SAMD11: variants seen among roughly 807,000 people sequenced by gnomAD.
SAMD11 encodes the protein sterile alpha motif domain containing 11.
In SAMD11, 77 loss-of-function variants were observed where a neutral mutation model predicts 64.4. The ratio of observed to expected loss-of-function variants is 1.20; its 90% CI spans 0.99 to 1.44. The LOEUF is 1.44. SAMD11 is among the 40% of genes most tolerant of loss of function. SAMD11 has a pLI of 0.00. For missense variants in SAMD11, 1,402 were observed against 943.3 expected, an observed-to-expected ratio of 1.49 and a Z score of -6.37; for synonymous variants, 658 against 421.9, an observed-to-expected ratio of 1.56 and a Z score of -6.86.
intron 5 of SAMD11, among the ~76,000 whole-genome samples, chr1:936,744 G>C (rs1641474280): frequency 6.6e-6 from 1 of 152,178 alleles, no homozygotes. Context: ...CCGCGTCCTC[G>C]TGCACCTAGG....
At chr1:926,878 G>A (rs754714734) in intron 2 of SAMD11, among the ~76,000 whole-genome samples, 2 of 152,178 alleles carry the variant, frequency 1.3e-5, no homozygotes, top group African/African-American at 2.4e-5. Context: ...TCCAGGAAAG[G>A]GTAGGAGAGG....
intron 7 of SAMD11, 99 bp downstream of exon 7, chr1:939,511 G>A (rs1469783470): frequency 6.4e-7 from 1 of 1,553,910 alleles, no homozygotes; most frequent in East Asian, 2.3e-5. Flanking sequence ...CCAGCCACAT[G>A]TACTCGGCCA....
chr1:936,736 G>A (rs1181121172), intron 5 of SAMD11, among the ~76,000 whole-genome samples: 3 of 152,294 alleles, frequency 2.0e-5, no homozygotes, highest in South Asian at 2.1e-4. Flanking sequence ...GCCCCCATCC[G>A]CGTCCTCGTG....
In SAMD11 at chr1:943,799, C is replaced by G. The variant is rs1044227669; in HGVS notation, c.2280C>G (p.Ile760Met). 3.7e-6 allele frequency: 6 copies of G among 1,612,722 alleles called. No individual in the cohort carries two copies. The African/African-American group carries it at 5.3e-5, about 14-fold the overall frequency. ...MGLKLGPALK[I>M]RAQVARRLGR... is the part of the protein sequence containing the mutation. ...TGAAGCTGGGGCCCGCCCTCAAGAT[C>G]CGGGCCCAGGTGAGACGCTGGGGAG... Residue 760 changes from isoleucine to methionine, a missense_variant, in exon 13 of 14, where the codon ATC (isoleucine) becomes ATG (methionine). By Grantham distance (10) the Ile-to-Met change is conservative. Transcript: ENST00000616016.
intron 1 of SAMD11, 79 bp from the exon 2 acceptor site, chr1:925,843 A>G (rs768038970): frequency 1.0e-5 from 10 of 989,552 alleles, no homozygotes; most frequent in African/African-American, 1.6e-5. Context: ...CGAGCCGGGG[A>G]GGGGGTACTG....
In SAMD11 at chr1:942,863, G is replaced by A; in HGVS notation, c.1858G>A (p.Ala620Thr). 1.3e-6 allele frequency: 2 copies of A among 1,553,448 alleles called. No individual in the cohort carries two copies. The highest frequency in any genetic ancestry group is 1.7e-6 in the Non-Finnish European group (2 of 1,148,564). The change falls in exon 11 of 14, where the codon GCA (alanine) becomes ACA (threonine). Residue 620 changes from alanine (A) to threonine (T), a missense_variant. Transcript: ENST00000616016. ...GGAGATGACGGGGGCTAGGCTCTGG[G>A]CACAAGATGGCTCGGAAGACGAGCC... ...SKEMTGARLW[A>T]QDGSEDEPPK...
intron 5 of SAMD11, among the ~76,000 whole-genome samples, chr1:937,841 G>A (rs1482380565): frequency 1.3e-5 from 2 of 152,278 alleles, no homozygotes; most frequent in Non-Finnish European, 2.9e-5. Context: ...CACTCTGTCA[G>A]CTGTAATGTG....
Position 925,994 on chromosome 1 carries a change from G to A in SAMD11, c.590G>A (p.Cys197Tyr). Reference protein sequence around the residue: ...VHPPICDCPGCRISSPVNRGR... With the variant: ...VHPPICDCPGYRISSPVNRGR... Reference sequence around the variant, plus strand: ...CCTCCGATCTGCGACTGCCCGGGCTGCCGAATATCCTCCCCGGTGGTGAGA... The same window carrying A: ...CCTCCGATCTGCGACTGCCCGGGCTACCGAATATCCTCCCCGGTGGTGAGA... The change falls in exon 2 of 14, where the codon TGC becomes TAC. Residue 197 changes from cysteine (C) to tyrosine (Y), a missense_variant. By Grantham distance (194) the Cys-to-Tyr change is radical. Coordinates refer to ENST00000616016, the MANE Select transcript of SAMD11 (RefSeq NM_001385641.1). 1 of 1,611,928 alleles carries A rather than the reference G, an allele frequency of 6.2e-7. No individual in the cohort carries two copies. The highest frequency in any genetic ancestry group is 8.5e-7 in the Non-Finnish European group (1 of 1,179,940).
rs1642017022 is a variant in SAMD11 at position 944,310 on chromosome 1, AAGACTTGGGGGAGTGAAG to A, written c.*158_*175del. ...TTCAAAGGAAAGGAACAAATTTTCA[AAGACTTGGGGGAGTGAAG>A]GCAGAGCCTGGTGCAGATGGACGAG... is the stretch of plus-strand genomic sequence containing the variant. On this transcript the variant is annotated 3_prime_UTR_variant, in exon 14 of 14. Coordinates refer to ENST00000616016, the MANE Select transcript of SAMD11 (RefSeq NM_001385641.1). 1 of 1,392,468 alleles carries A rather than the reference AAGACTTGGGGGAGTGAAG, an allele frequency of 7.2e-7. No individual in the cohort carries two copies. Among genetic ancestry groups the A allele is most frequent in the Admixed American group, 3.4e-5 (1 of 29,710 alleles). The allele number at this position is 1,392,468 out of a possible 1,614,324, so 86.3% of individuals were successfully genotyped here.
Position 939,452 on chromosome 1 carries a change from C to T in SAMD11, c.1195+40C>T, listed in dbSNP as rs755174577. 4 of 1,600,198 alleles carry T rather than the reference C, an allele frequency of 2.5e-6. No homozygotes were observed. The South Asian group carries it at 3.3e-5, about 13-fold the overall frequency. On this transcript the variant is annotated intron_variant, in intron 7 of 13. Coordinates refer to ENST00000616016, the MANE Select transcript of SAMD11 (RefSeq NM_001385641.1). ...TGGCATGATCCCCCTCATCACCTCC[C>T]CAGCCACGGTGAGGACCCACCCTGG...
intron 2 of SAMD11, among the ~76,000 whole-genome samples, chr1:929,212 G>A (rs764381508): frequency 2.0e-5 from 3 of 152,220 alleles, no homozygotes; most frequent in East Asian, 3.8e-4. Context: ...CGTCCGCCGC[G>A]TGTGTGCGTC....
chr1:939,988 ATGCACTCGGACCCCCTGCCCGC>A (rs1557607924), intron 7 of SAMD11, among the ~76,000 whole-genome samples: 1 of 151,894 alleles, frequency 6.6e-6, no homozygotes, highest in Non-Finnish European at 1.5e-5. Flanking sequence ...TCCCTCCGGG[ATGCACTCGGACCCCCTGCCCGC>A]TGCACTCAGC....
rs1341113188 is a variant in SAMD11 at position 943,371 on chromosome 1, C to A, written c.2172C>A (p.Tyr724Ter). 1.3e-6 allele frequency: 2 copies of A among 1,555,578 alleles called. No individual in the cohort carries two copies. Among genetic ancestry groups the A allele is most frequent in the Non-Finnish European group, 1.7e-6 (2 of 1,149,142 alleles). The change falls in exon 12 of 14, where the codon TAC becomes TAA. Residue 724 changes from tyrosine to a stop codon, truncating the protein, a stop_gained. Coordinates refer to ENST00000616016, the MANE Select transcript of SAMD11 (RefSeq NM_001385641.1). LOFTEE classifies it high-confidence loss of function. ...FVGGLSGCGE[Y>*]TRVFREQGID... ...GGGGCCTGTCTGGCTGTGGAGAGTACACTCGGGTAAGGGGGGGCCCCAGTT... is the reference window on the plus strand; with the variant it reads ...GGGGCCTGTCTGGCTGTGGAGAGTAAACTCGGGTAAGGGGGGGCCCCAGTT...
rs369730262 is a variant in SAMD11 at position 928,185 on chromosome 1, A to C, written c.610-1970A>C. ...GAGGCGGGCGGATCACGAGGTCAGG[A>C]GATCGAGACCATCCTGACTAACACG... is the stretch of plus-strand genomic sequence containing the variant. On this transcript the variant is annotated intron_variant, in intron 2 of 13. Transcript: ENST00000616016. 5.3e-5 allele frequency among the ~76,000 whole-genome samples: 8 copies of C among 152,158 alleles called. No homozygotes were observed. In the East Asian group the frequency reaches 1.4e-3, roughly 26 times the overall value.
intron 7 of SAMD11, 158 bp downstream of exon 7, chr1:939,570 T>TCCCTGGAGGAAC: frequency 7.4e-7 from 1 of 1,349,376 alleles, no homozygotes; most frequent in Non-Finnish European, 1.0e-6. Flanking sequence ...TGGATGCAGG[T>TCCCTGGAGGAAC]CCCTCTGCCA....
Position 942,206 on chromosome 1 carries a change from AG to A in SAMD11, c.1431del (p.Arg477SerfsTer87). The A allele has an allele frequency of 7.3e-7, 1 of 1,363,706 alleles. No individual in the cohort carries two copies. The highest frequency in any genetic ancestry group is 9.5e-7 in the Non-Finnish European group (1 of 1,052,678). The allele number at this position is 1,363,706 out of a possible 1,614,324, so 84.5% of individuals were successfully genotyped here. ...TCACGTCGCCCTGGGCCCCCATCTC[AG>A]GCCCCCCTTCCTGGGGGTGCCCTCG... ...APHVALGPHL[R>X]PPFLGVPSAL... On this transcript the variant is annotated frameshift_variant, in exon 9 of 14. Coordinates refer to ENST00000616016, the MANE Select transcript of SAMD11 (RefSeq NM_001385641.1). LOFTEE classifies it high-confidence loss of function.
intron 2 of SAMD11, among the ~76,000 whole-genome samples, chr1:928,391 C>CA (rs1367077194): frequency 6.6e-6 from 1 of 151,854 alleles, no homozygotes. Flanking sequence ...GACTCCGTCT[C>CA]AAAAAACTAA....
chr1:928,265 G>T (rs540231983), intron 2 of SAMD11, among the ~76,000 whole-genome samples: 1 of 152,222 alleles, frequency 6.6e-6, no homozygotes, highest in Non-Finnish European at 1.5e-5. Context: ...GGTGGCGGGT[G>T]CCTGTAGTCC....
At chr1:930,683 G>A (rs1641126051) in intron 3 of SAMD11, among the ~76,000 whole-genome samples, 1 of 152,214 alleles carries the variant, frequency 6.6e-6, no homozygotes, top group Non-Finnish European at 1.5e-5. Flanking sequence ...CTCCATTCAG[G>A]CTCGTGACTG....
Sources: gnomAD v4.1 joint callset for allele counts (sites outside exome capture counted in the v4.1 genomes callset) on GRCh38, gnomAD v4.1.1 for gene constraint, MANE v1.5 for transcripts, NCBI Gene and HGNC (gene_info 2026-07-23, HGNC 2026-07-21) for gene names.